Variants in KCNMB2 observed in about 807,000 individuals in gnomAD.
The protein encoded by KCNMB2 is potassium calcium-activated channel subfamily M regulatory beta subunit 2.
In KCNMB2, 9 loss-of-function variants were observed where a neutral mutation model predicts 24.5. The observed-to-expected ratio is 0.37, with a 90% CI of 0.22 to 0.64. The LOEUF (loss-of-function observed/expected upper bound fraction) is 0.64. KCNMB2 is among the 30% of genes least tolerant of loss of function. The pLI, the probability that KCNMB2 is intolerant of heterozygous loss-of-function variation, is 0.63. For missense variants in KCNMB2, 226 were observed against 284.3 expected (o/e 0.79, Z 1.47); for synonymous variants, 109 against 104.4 (o/e 1.04, Z -0.27).
intron 1 of KCNMB2, among the ~76,000 whole-genome samples, chr3:178,620,681 A>C (rs1316249575): frequency 2.6e-5 from 4 of 152,226 alleles, no homozygotes; most frequent in Non-Finnish European, 5.9e-5. Context: ...TAGGATTTCA[A>C]CATAATGTAT....
At chr3:178,668,595 T>A (rs1720797656) in intron 1 of KCNMB2, among the ~76,000 whole-genome samples, 1 of 152,046 alleles carries the variant, frequency 6.6e-6, no homozygotes, top group Admixed American at 6.6e-5. Flanking sequence ...AAGTAATGAA[T>A]CTCTTCCCTA....
At chr3:178,795,227 G>A (rs1713492088) in intron 1 of KCNMB2, 1 of 152,184 alleles carries the variant, frequency 6.6e-6, no homozygotes, top group South Asian at 2.1e-4. Context: ...AGGTATGAGT[G>A]GAATGGCACT....
At chr3:178,683,571 T>C (rs1236603207) in intron 1 of KCNMB2, among the ~76,000 whole-genome samples, 2 of 152,210 alleles carry the variant, frequency 1.3e-5, no homozygotes, top group African/African-American at 4.8e-5. Context: ...ATGCTAAGTC[T>C]TCACATTCAG....
At chr3:178,745,237 G>T (rs1414441050) in intron 1 of KCNMB2, among the ~76,000 whole-genome samples, 1 of 152,172 alleles carries the variant, frequency 6.6e-6, no homozygotes, top group East Asian at 1.9e-4. Flanking sequence ...ACAGTTCCAC[G>T]TGGCTGGGGA....
chr3:178,566,842 A>T (rs1427617496), intron 1 of KCNMB2, among the ~76,000 whole-genome samples: 1 of 152,234 alleles, frequency 6.6e-6, no homozygotes, highest in East Asian at 1.9e-4. Context: ...TTAACAATGT[A>T]CGTTCATATT....
chr3:178,739,421 C>A (rs1325154368), intron 1 of KCNMB2, among the ~76,000 whole-genome samples: 1 of 152,170 alleles, frequency 6.6e-6, no homozygotes, highest in Non-Finnish European at 1.5e-5. Flanking sequence ...CCTCTGGGGA[C>A]AACTCCAGAT....
intron 1 of KCNMB2, among the ~76,000 whole-genome samples, chr3:178,603,910 G>T (rs1255365284): frequency 6.6e-6 from 1 of 152,148 alleles, no homozygotes; most frequent in African/African-American, 2.4e-5. Context: ...GGTCTAAAAG[G>T]AAGAGTATCA....
At chr3:178,677,562 C>A (rs975972104) in intron 1 of KCNMB2, among the ~76,000 whole-genome samples, 3 of 152,200 alleles carry the variant, frequency 2.0e-5, no homozygotes, top group African/African-American at 7.2e-5. Flanking sequence ...GTCTTCCCAC[C>A]AGGAACATGT....
At chr3:178,758,412 A>C (rs1457660360) in intron 1 of KCNMB2, among the ~76,000 whole-genome samples, 15 of 48,424 alleles carry the variant, frequency 3.1e-4, no homozygotes, top group Non-Finnish European at 4.3e-4. Context: ...ATATATATAT[A>C]TATATCCAAG....
intron 1 of KCNMB2, among the ~76,000 whole-genome samples, chr3:178,541,101 C>T (rs914444725): frequency 6.6e-5 from 10 of 152,084 alleles, no homozygotes; most frequent in Non-Finnish European, 1.5e-4. Context: ...CACTCTGTTG[C>T]TTTTTCCAAA....
intron 1 of KCNMB2, among the ~76,000 whole-genome samples, chr3:178,550,070 T>C (rs1413606036): frequency 1.3e-5 from 2 of 152,142 alleles, no homozygotes; most frequent in African/African-American, 4.8e-5. Flanking sequence ...AACTAAGGAA[T>C]TGATGTCATT....
At chr3:178,674,133 C>G (rs529967501) in intron 1 of KCNMB2, among the ~76,000 whole-genome samples, 1 of 151,620 alleles carries the variant, frequency 6.6e-6, no homozygotes, top group South Asian at 2.1e-4. Context: ...TTTTTTTTAC[C>G]CCACTGGCCA....
At chr3:178,800,907 T>C (rs1435666364) in intron 1 of KCNMB2, among the ~76,000 whole-genome samples, 1 of 152,092 alleles carries the variant, frequency 6.6e-6, no homozygotes, top group East Asian at 1.9e-4. Context: ...TTATATTACA[T>C]GAAATAAGCC....
intron 1 of KCNMB2, among the ~76,000 whole-genome samples, chr3:178,625,975 G>C (rs948652890): frequency 1.3e-5 from 2 of 152,174 alleles, no homozygotes; most frequent in African/African-American, 4.8e-5. Context: ...AGTGAAATAG[G>C]CCTAAAGGAC....
chr3:178,603,029 A>G (rs908699879), intron 1 of KCNMB2, among the ~76,000 whole-genome samples: 10 of 152,050 alleles, frequency 6.6e-5, no homozygotes, highest in Non-Finnish European at 1.0e-4. Context: ...AACGTGGGAG[A>G]GGTGATGGAC....
chr3:178,796,006 C>G (rs1713528695), intron 1 of KCNMB2, among the ~76,000 whole-genome samples: 1 of 152,126 alleles, frequency 6.6e-6, no homozygotes, highest in South Asian at 2.1e-4. Context: ...GGACAGCGCT[C>G]TGGAAATGTC....
chr3:178,801,207 A>G (rs749209275), intron 1 of KCNMB2, among the ~76,000 whole-genome samples: 13 of 152,168 alleles, frequency 8.5e-5, no homozygotes, highest in Non-Finnish European at 1.5e-4. Context: ...AACACGATGA[A>G]ATGATAAATG....
rs144096614 is a variant in KCNMB2, at chr3:178,787,183, C to A, written c.-67-20160C>A. ...ACTGAATACATTTAACTGTGTGAAC[C>A]TTTACACCGATTTTATCTTTCAAAT... On this transcript the variant is annotated intron_variant, in intron 1 of 4. Transcript: ENST00000452583. 8.5e-5 allele frequency among the ~76,000 whole-genome samples: 13 copies of A among 152,258 alleles called. No homozygotes were observed. In the East Asian group the frequency reaches 2.5e-3, roughly 29 times the overall value.
chr3:178,767,238 A>G (rs1265899188), intron 1 of KCNMB2, among the ~76,000 whole-genome samples: 1 of 152,266 alleles, frequency 6.6e-6, no homozygotes, highest in East Asian at 1.9e-4. Flanking sequence ...AAATGAAACA[A>G]TGTGTATCAA....
Sources: gnomAD v4.1 joint callset for allele counts (sites outside exome capture counted in the v4.1 genomes callset) on GRCh38, gnomAD v4.1.1 for gene constraint, MANE v1.5 for transcripts, NCBI Gene and HGNC (gene_info 2026-07-23, HGNC 2026-07-21) for gene names.